Variants in CNTNAP2 observed in about 807,000 individuals in gnomAD.
The protein encoded by CNTNAP2 is contactin-associated protein-like 2.
In CNTNAP2, 98 loss-of-function variants were observed where a neutral mutation model predicts 155.2. The ratio of observed to expected loss-of-function variants is 0.63; its 90% CI spans 0.54 to 0.75. CNTNAP2 has a LOEUF of 0.75. CNTNAP2 is among the 30% of genes least tolerant of loss of function. The pLI is 0.00. For missense variants in CNTNAP2, 1,727 were observed against 1,688.1 expected, an observed-to-expected ratio of 1.02 and a Z score of -0.40; for synonymous variants, 651 against 631.2, an observed-to-expected ratio of 1.03 and a Z score of -0.47.
At chr7:146,406,802 A>G (rs762188533) in intron 1 of CNTNAP2, among the ~76,000 whole-genome samples, 3 of 152,212 alleles carry the variant, frequency 2.0e-5, no homozygotes, top group Non-Finnish European at 4.4e-5. Context: ...GTTCAGGGCT[A>G]TCATCCTTAG....
intron 8 of CNTNAP2, among the ~76,000 whole-genome samples, chr7:147,135,441 A>G (rs1462011958): frequency 6.6e-6 from 1 of 151,812 alleles, no homozygotes; most frequent in Non-Finnish European, 1.5e-5. Flanking sequence ...TTATCCCAGT[A>G]CATCATTTTT....
chr7:146,305,037 C>A (rs1412389161), intron 1 of CNTNAP2, among the ~76,000 whole-genome samples: 2 of 152,068 alleles, frequency 1.3e-5, no homozygotes, highest in African/African-American at 4.8e-5. Flanking sequence ...CAATCACAGA[C>A]ACCTTTTCTT....
intron 8 of CNTNAP2, among the ~76,000 whole-genome samples, chr7:147,188,077 AAAAT>A (rs2116516117): frequency 6.6e-6 from 1 of 152,288 alleles, no homozygotes; most frequent in South Asian, 2.1e-4. Flanking sequence ...ATAAATAAAT[AAAAT>A]GAGAGAAAAA....
intron 1 of CNTNAP2, among the ~76,000 whole-genome samples, chr7:146,680,713 T>G (rs1800486966): frequency 6.6e-6 from 1 of 152,224 alleles, no homozygotes; most frequent in African/African-American, 2.4e-5. Flanking sequence ...AAAACATCTA[T>G]TTCCTTTTCT....
At chr7:147,755,738 C>T (rs898586673) in intron 13 of CNTNAP2, among the ~76,000 whole-genome samples, 2 of 152,196 alleles carry the variant, frequency 1.3e-5, no homozygotes, top group Admixed American at 1.3e-4. Flanking sequence ...ATCCAGTTCG[C>T]ACTGGTTCCT....
At chr7:146,933,766 A>T (rs563725606) in intron 3 of CNTNAP2, among the ~76,000 whole-genome samples, 25 of 152,290 alleles carry the variant, frequency 1.6e-4, no homozygotes, top group Non-Finnish European at 3.5e-4. Context: ...CAACCCCATC[A>T]AAAAGTGGGC....
intron 10 of CNTNAP2, among the ~76,000 whole-genome samples, chr7:147,443,124 A>G (rs1357735028): frequency 6.6e-6 from 1 of 152,018 alleles, no homozygotes; most frequent in Non-Finnish European, 1.5e-5. Flanking sequence ...ACTGCCTTTC[A>G]AGATTATTTA....
At chr7:147,894,460 G>A (rs546592268) in intron 13 of CNTNAP2, among the ~76,000 whole-genome samples, 14 of 152,220 alleles carry the variant, frequency 9.2e-5, no homozygotes, top group East Asian at 3.9e-4. Flanking sequence ...ATGAGCTGCC[G>A]GCAGGGGACA....
intron 2 of CNTNAP2, among the ~76,000 whole-genome samples, chr7:146,821,914 C>T (rs1213342398): frequency 2.6e-5 from 4 of 151,046 alleles, no homozygotes; most frequent in Admixed American, 6.6e-5. Flanking sequence ...GTCAGTGTGG[C>T]GATTCCTCAG....
At chr7:146,873,939 G>A (rs550730167) in intron 3 of CNTNAP2, among the ~76,000 whole-genome samples, 1 of 152,072 alleles carries the variant, frequency 6.6e-6, no homozygotes, top group South Asian at 2.1e-4. Context: ...AGAAAATATA[G>A]CTTATATTAT....
intron 21 of CNTNAP2, among the ~76,000 whole-genome samples, chr7:148,348,654 CATTT>C (rs1241071621): frequency 6.6e-6 from 1 of 152,152 alleles, no homozygotes; most frequent in Admixed American, 6.5e-5. Flanking sequence ...ACACGTCATT[CATTT>C]GTTTGTAAGC....
At chr7:148,074,101 C>T (rs1272601157) in intron 15 of CNTNAP2, among the ~76,000 whole-genome samples, 1 of 152,138 alleles carries the variant, frequency 6.6e-6, no homozygotes, top group African/African-American at 2.4e-5. Context: ...GTACTACCTC[C>T]AAGTTAATAA....
At chr7:147,353,096 GAC>G (rs999592309) in intron 9 of CNTNAP2, among the ~76,000 whole-genome samples, 8 of 102,756 alleles carry the variant, frequency 7.8e-5, no homozygotes, top group Non-Finnish European at 1.2e-4. Context: ...TATATATATA[GAC>G]ACACACACAC....
At chr7:147,131,078 A>ATGTG (rs1297674110) in intron 7 of CNTNAP2, among the ~76,000 whole-genome samples, 2,157 of 82,352 alleles carry the variant, frequency 0.026, 48 homozygotes, top group African/African-American at 0.091. Flanking sequence ...GTGTATATAT[A>ATGTG]TGTATATATG....
At chr7:146,651,299 A>T (rs944396427) in intron 1 of CNTNAP2, among the ~76,000 whole-genome samples, 17 of 152,178 alleles carry the variant, frequency 1.1e-4, no homozygotes, top group African/African-American at 4.1e-4. Context: ...AGGAGGAAAA[A>T]CATAGGATCA....
rs141682865 is a variant in CNTNAP2, at chr7:146,326,619, G to A, written c.97+209646G>A. The stretch of plus-strand genomic sequence containing the variant: ...TGTATGTTGATGACACACCACAGCC[G>A]CAGGAAGCTATTAAAGTGCATAGAC... On this transcript the variant is annotated intron_variant, in intron 1 of 23. Transcript: ENST00000361727. 7.2e-5 allele frequency among the ~76,000 whole-genome samples: 11 copies of A among 152,220 alleles called. No homozygotes were observed. The East Asian group carries it at 1.4e-3, about 19-fold the overall frequency.
intron 13 of CNTNAP2, among the ~76,000 whole-genome samples, chr7:147,830,608 G>A (rs1419502390): frequency 6.6e-6 from 1 of 152,130 alleles, no homozygotes; most frequent in African/African-American, 2.4e-5. Context: ...GCAAAAGCAG[G>A]AAATAGAAGG....
At chr7:146,392,024 G>A (rs1795552241) in intron 1 of CNTNAP2, among the ~76,000 whole-genome samples, 1 of 152,076 alleles carries the variant, frequency 6.6e-6, no homozygotes, top group South Asian at 2.1e-4. Flanking sequence ...CAATTTAATT[G>A]CTTTTAATAA....
rs1397570735 is a variant in CNTNAP2, at chr7:146,622,265, ATCTATCTATC to A, written c.98-152004_98-151995del. 8.4e-3 allele frequency among the ~76,000 whole-genome samples: 1,233 copies of A among 146,806 alleles called. 12 individuals carry two copies. The highest frequency in any genetic ancestry group is 0.03 in the African/African-American group (1,167 of 38,276). ...TGTATATCTATCTATCTATCTATCT[ATCTATCTATC>A]TATCTATATATATATATGTTTTAGC... On this transcript the variant is annotated intron_variant, in intron 1 of 23. Coordinates refer to ENST00000361727, the MANE Select transcript of CNTNAP2 (RefSeq NM_014141.6).
Sources: gnomAD v4.1 joint callset for allele counts (sites outside exome capture counted in the v4.1 genomes callset) on GRCh38, gnomAD v4.1.1 for gene constraint, MANE v1.5 for transcripts, NCBI Gene and HGNC (gene_info 2026-07-23, HGNC 2026-07-21) for gene names.